The following CAMK4 variants were observed in gnomAD, a reference collection of about 807,000 sequenced individuals.
CAMK4 encodes the protein calcium/calmodulin-dependent protein kinase type IV.
In CAMK4, 22 loss-of-function variants were observed where a neutral mutation model predicts 44.9. That is an observed-to-expected ratio of 0.49 (90% CI 0.35 to 0.70). The LOEUF is 0.70. Ranked by LOEUF, CAMK4 falls within the 30% of genes least tolerant of loss-of-function variation. The pLI is 0.01. For missense variants in CAMK4, 498 were observed against 586.8 expected, an observed-to-expected ratio of 0.85 and a Z score of 1.56; for synonymous variants, 218 against 215.4, an observed-to-expected ratio of 1.01 and a Z score of -0.11.
Position 111,484,619 on chromosome 5 carries a change from A to T in CAMK4, c.*153A>T, listed in dbSNP as rs537915932. ...ATACCAGTTGGTAATTCTAACTTCA[A>T]TGCATGTGACTGCTTTATGAAAATA... On this transcript the variant is annotated 3_prime_UTR_variant, in exon 11 of 11. Transcript: ENST00000282356. This position sits in a 1 kb window ranked among gnomAD's most constrained non-coding sequence, Gnocchi z 5.3. 8 of 438,468 alleles carry T rather than the reference A, an allele frequency of 1.8e-5. No individual in the cohort carries two copies. The highest frequency in any genetic ancestry group is 5.5e-4 in the Middle Eastern group (1 of 1,802). 27.2% of individuals were successfully genotyped at this position (438,468 alleles called of 1,614,324 possible).
At chr5:111,269,913 G>A (rs995312254) in intron 1 of CAMK4, 2 of 152,224 alleles carry the variant, frequency 1.3e-5, no homozygotes, top group East Asian at 3.8e-4. Context: ...CATCCAATTG[G>A]ATGTTTTCAT....
intron 7 of CAMK4, among the ~76,000 whole-genome samples, chr5:111,462,729 A>G (rs1754686113): frequency 6.6e-6 from 1 of 152,240 alleles, no homozygotes; most frequent in African/African-American, 2.4e-5. Flanking sequence ...TAAGAAAAGA[A>G]GGCAAATTTA....
rs551600557 is a variant in CAMK4, at chr5:111,415,217, T to G, written c.459+20435T>G. Among the ~76,000 whole-genome samples the G allele has an allele frequency of 5.9e-5, 9 of 152,274 alleles. No individual in the cohort carries two copies. In the South Asian group the frequency reaches 1.9e-3, roughly 32 times the overall value. On this transcript the variant is annotated intron_variant, in intron 5 of 10. Coordinates refer to ENST00000282356, the MANE Select transcript of CAMK4 (RefSeq NM_001744.6). The stretch of plus-strand genomic sequence containing the variant: ...CCTGACCTGAGTAGCCCAATGAAAT[T>G]TTGCGCCTCTGGCTCTGCCCCACCC...
At chr5:111,402,686 G>T (rs1455374910) in intron 5 of CAMK4, among the ~76,000 whole-genome samples, 3 of 152,200 alleles carry the variant, frequency 2.0e-5, no homozygotes, top group Non-Finnish European at 4.4e-5. Flanking sequence ...ACTGTGCCCA[G>T]TGAGTTCCTT....
At chr5:111,344,147 CCTGGAGAAGG>C (rs759669714) in intron 2 of CAMK4, 45 bp downstream of exon 2, 33 of 1,145,594 alleles carry the variant, frequency 2.9e-5, no homozygotes, top group Non-Finnish European at 3.8e-5. Flanking sequence ...GGGCCTGTGA[CCTGGAGAAGG>C]CAGGAACCTG....
intron 2 of CAMK4, chr5:111,358,113 G>A (rs1398421725): frequency 3.3e-5 from 5 of 152,172 alleles, no homozygotes; most frequent in Non-Finnish European, 2.9e-5. Context: ...ACAGAGAAGC[G>A]GAGTGCTGCT....
chr5:111,478,534 C>CA, intron 9 of CAMK4, 27 bp downstream of exon 9: 2 of 1,314,088 alleles, frequency 1.5e-6, no homozygotes, highest in South Asian at 1.6e-5. Flanking sequence ...CAAAATGAAA[C>CA]AAAATGAAAT....
intron 1 of CAMK4, among the ~76,000 whole-genome samples, chr5:111,272,586 GA>G (rs1750564044): frequency 6.6e-6 from 1 of 152,124 alleles, no homozygotes; most frequent in Admixed American, 6.5e-5. Flanking sequence ...CTGTGAATTA[GA>G]AATTAGGTAA....
At chr5:111,479,510 GA>G (rs1371487432) in intron 9 of CAMK4, among the ~76,000 whole-genome samples, 2 of 152,130 alleles carry the variant, frequency 1.3e-5, no homozygotes, top group Non-Finnish European at 2.9e-5. Flanking sequence ...TTGAATCATA[GA>G]AGGTTAGATA....
intron 1 of CAMK4, among the ~76,000 whole-genome samples, chr5:111,253,630 G>A (rs1161907748): frequency 6.6e-6 from 1 of 152,122 alleles, no homozygotes. Flanking sequence ...AATGTACATG[G>A]TGCATTTGCT....
At chr5:111,406,345 T>A (rs1457831356) in intron 5 of CAMK4, among the ~76,000 whole-genome samples, 1 of 152,052 alleles carries the variant, frequency 6.6e-6, no homozygotes, top group Non-Finnish European at 1.5e-5. Context: ...TGCCTCAGCC[T>A]CCTGAGTAGC....
intron 1 of CAMK4, among the ~76,000 whole-genome samples, chr5:111,248,198 G>C (rs1276938105): frequency 1.3e-5 from 2 of 152,140 alleles, no homozygotes; most frequent in African/African-American, 2.4e-5. Flanking sequence ...CATATCTTCT[G>C]TCTTCTTCAC....
chr5:111,462,492 C>T (rs1754678590), intron 7 of CAMK4, among the ~76,000 whole-genome samples: 1 of 152,196 alleles, frequency 6.6e-6, no homozygotes, highest in Admixed American at 6.5e-5. Context: ...TTGATGATTT[C>T]TTTAATGAGT....
At chr5:111,359,781 A>G (rs1750518393) in intron 2 of CAMK4, among the ~76,000 whole-genome samples, 1 of 152,044 alleles carries the variant, frequency 6.6e-6, no homozygotes, top group Non-Finnish European at 1.5e-5. Flanking sequence ...GAAGGAGTCC[A>G]GTTTTAATCT....
At chr5:111,456,811 C>G (rs777458754) in intron 7 of CAMK4, among the ~76,000 whole-genome samples, 2 of 152,082 alleles carry the variant, frequency 1.3e-5, no homozygotes, top group African/African-American at 2.4e-5. Context: ...AAAATGTATC[C>G]TTCTGTGTAA....
chr5:111,420,279 A>G (rs1048074164), intron 5 of CAMK4, among the ~76,000 whole-genome samples: 1 of 152,124 alleles, frequency 6.6e-6, no homozygotes, highest in African/African-American at 2.4e-5. Flanking sequence ...TGATTTTTGT[A>G]CATTGATTTT....
At chr5:111,354,625 C>G (rs897786698) in intron 2 of CAMK4, among the ~76,000 whole-genome samples, 1 of 122,420 alleles carries the variant, frequency 8.2e-6, no homozygotes, top group Non-Finnish European at 1.8e-5. Flanking sequence ...AGGAGAATCA[C>G]TTGAACCCGG....
intron 1 of CAMK4, among the ~76,000 whole-genome samples, chr5:111,334,087 G>A (rs910491626): frequency 1.3e-5 from 2 of 151,468 alleles, no homozygotes; most frequent in Non-Finnish European, 3.0e-5. Context: ...CCAAAACCTT[G>A]GGCTTGGACT....
chr5:111,457,765 G>C (rs1226722303), intron 7 of CAMK4, among the ~76,000 whole-genome samples: 1 of 152,194 alleles, frequency 6.6e-6, no homozygotes. Context: ...AAAAGGCATA[G>C]TGTTTGTGTT....
Sources: allele counts gnomAD v4.1 joint callset (sites outside exome capture counted in the v4.1 genomes callset), GRCh38; gene constraint gnomAD v4.1.1; non-coding constraint Gnocchi (gnomAD v3.1); transcripts MANE v1.5; gene names NCBI Gene and HGNC (gene_info 2026-07-23, HGNC 2026-07-21).